The following NR5A2 variants were observed in gnomAD, a reference collection of about 807,000 sequenced individuals.
NR5A2 encodes nuclear receptor subfamily 5 group A member 2, also known as CYP7A promoter-binding factor.
A neutral mutation model predicts 62.7 loss-of-function variants in NR5A2; 26 were observed. The ratio of observed to expected loss-of-function variants is 0.41; its 90% CI spans 0.30 to 0.58. The LOEUF is 0.58. Ranked by LOEUF, NR5A2 falls within the 20% of genes least tolerant of loss-of-function variation. The probability of loss-of-function intolerance (pLI) is 0.22; values close to 1 mark genes in which losing one functional copy is unlikely to be tolerated. For synonymous variants in NR5A2, 246 were observed against 241.7 expected (o/e 1.02, Z -0.16); for missense variants, 541 against 669.1 (o/e 0.81, Z 2.11).
In NR5A2 at chr1:200,176,872, A is replaced by G. The variant is rs1173789655; in HGVS notation, c.*2662A>G. 1.3e-5 allele frequency: 2 copies of G among 152,172 alleles called. No individual in the cohort carries two copies. Among genetic ancestry groups the G allele is most frequent in the Non-Finnish European group, 2.9e-5 (2 of 68,038 alleles). 9.4% of individuals were successfully genotyped at this position (152,172 alleles called of 1,614,324 possible). A position where few individuals can be genotyped will look rare whatever the true frequency, so the allele number is the denominator to read the frequency against. On this transcript the variant is annotated 3_prime_UTR_variant, in exon 8 of 8. Coordinates refer to ENST00000367362, the MANE Select transcript of NR5A2 (RefSeq NM_205860.3). Reference sequence around the variant, plus strand: ...TGCTCCCCACTGAAAATTAAACCTAAAAAATGTCACATATTGGTATGTTGT... The same window carrying G: ...TGCTCCCCACTGAAAATTAAACCTAGAAAATGTCACATATTGGTATGTTGT...
chr1:200,097,290 C>A (rs1047331766), intron 5 of NR5A2, among the ~76,000 whole-genome samples: 3 of 152,090 alleles, frequency 2.0e-5, no homozygotes, highest in Non-Finnish European at 2.9e-5. Flanking sequence ...TCCTCCTCTC[C>A]AGAATATTAT....
intron 7 of NR5A2, among the ~76,000 whole-genome samples, chr1:200,146,842 T>C (rs1667721269): frequency 6.6e-6 from 1 of 152,160 alleles, no homozygotes; most frequent in African/African-American, 2.4e-5. Flanking sequence ...TGATTAAAAA[T>C]TTACATAATA....
intron 5 of NR5A2, among the ~76,000 whole-genome samples, chr1:200,105,649 C>T (rs948841807): frequency 6.6e-6 from 1 of 152,150 alleles, no homozygotes; most frequent in African/African-American, 2.4e-5. Flanking sequence ...TTAAAAATCT[C>T]TTTCTTAAAG....
intron 1 of NR5A2, among the ~76,000 whole-genome samples, chr1:200,038,952 C>T (rs539816387): frequency 9.1e-4 from 138 of 152,152 alleles, no homozygotes; most frequent in African/African-American, 3.2e-3. Flanking sequence ...TGTCTTCACC[C>T]CTCAATCCAG....
At chr1:200,169,944 T>A (rs550272265) in intron 7 of NR5A2, among the ~76,000 whole-genome samples, 1 of 152,330 alleles carries the variant, frequency 6.6e-6, no homozygotes. Context: ...CTGGTGGAAA[T>A]TTTTATCTCA....
At chr1:200,172,158 A>G (rs1395673765) in intron 7 of NR5A2, among the ~76,000 whole-genome samples, 1 of 152,214 alleles carries the variant, frequency 6.6e-6, no homozygotes, top group Non-Finnish European at 1.5e-5. Context: ...TTTAATCACT[A>G]TAATGCAAAA....
chr1:200,073,228 TTACA>T (rs1485781457), intron 5 of NR5A2, among the ~76,000 whole-genome samples: 2 of 97,766 alleles, frequency 2.0e-5, no homozygotes, highest in South Asian at 3.5e-4. Context: ...GTCAAAGCAT[TTACA>T]TACATATATA....
At chr1:200,114,455 T>C (rs1303989401) in intron 6 of NR5A2, among the ~76,000 whole-genome samples, 1 of 152,154 alleles carries the variant, frequency 6.6e-6, no homozygotes, top group African/African-American at 2.4e-5. Flanking sequence ...GTGTGTAAAA[T>C]TCACACATAC....
rs557268411 is a variant in NR5A2 at position 200,140,756 on chromosome 1, C to T, written c.1378+19801C>T. ...CAATCTAAAAATCAGAAAGGCAGGGCGCAGTGGCTAACGCCTATAATCCCA... is the reference window on the plus strand; with the variant it reads ...CAATCTAAAAATCAGAAAGGCAGGGTGCAGTGGCTAACGCCTATAATCCCA... On this transcript the variant is annotated intron_variant, in intron 7 of 7. Transcript: ENST00000367362. 9.3e-4 allele frequency among the ~76,000 whole-genome samples: 141 copies of T among 152,286 alleles called. 2 individuals carry two copies. Among genetic ancestry groups the T allele is most frequent in the Non-Finnish European group, 4.7e-4 (32 of 68,020 alleles).
intron 5 of NR5A2, among the ~76,000 whole-genome samples, chr1:200,088,855 C>G (rs550234294): frequency 1.4e-4 from 21 of 152,228 alleles, no homozygotes; most frequent in African/African-American, 5.1e-4. Flanking sequence ...GGAGCTTAGC[C>G]ACATCTTCTC....
chr1:200,082,707 C>T (rs17724342), intron 5 of NR5A2, among the ~76,000 whole-genome samples: 2,148 of 152,084 alleles, frequency 0.014, 22 homozygotes, highest in Non-Finnish European at 0.022. Flanking sequence ...AGATATAATT[C>T]CCATGTTTCT....
chr1:200,048,343 C>T lies in NR5A2; in HGVS notation c.635C>T (p.Ala212Val). The change falls in exon 5 of 8, where the codon GCA (alanine) becomes GTA (valine). Residue 212 changes from alanine (A) to valine (V), a missense_variant. By Grantham distance (64) the Ala-to-Val change is moderately conservative. Coordinates refer to ENST00000367362, the MANE Select transcript of NR5A2 (RefSeq NM_205860.3). The surrounding 1 kb of genome is among the most constrained non-coding windows in gnomAD (Gnocchi z 4.8). Reference protein sequence around the residue: ...AMPSDLTISSAIQNIHSASKG... With the variant: ...AMPSDLTISSVIQNIHSASKG... ...CCCTCTGACCTGACCATTTCCTCTG[C>T]AATTCAAAACATCCACTCTGCCTCC... 6.2e-7 allele frequency: 1 copy of T among 1,614,198 alleles called. No individual in the cohort carries two copies. The highest frequency in any genetic ancestry group is 8.5e-7 in the Non-Finnish European group (1 of 1,180,038).
Position 200,147,561 on chromosome 1 carries a change from G to A in NR5A2, c.1379-26402G>A. 1.4e-6 allele frequency: 1 copy of A among 698,220 alleles called. No homozygotes were observed. The highest frequency in any genetic ancestry group is 1.8e-5 in the Admixed American group (1 of 55,768). The allele number at this position is 698,220 out of a possible 1,614,324, so 43.3% of individuals were successfully genotyped here. A position where few individuals can be genotyped will look rare whatever the true frequency, so the allele number is the denominator to read the frequency against. On this transcript the variant is annotated intron_variant, in intron 7 of 7. Transcript: ENST00000367362. The surrounding 1 kb of genome is among the most constrained non-coding windows in gnomAD (Gnocchi z 4.9). ...ATTTCCTTGGTTTCTCCATTGGTGTGCTTAAAGCGATCTCCTCTACACGAA... is the reference window on the plus strand; with the variant it reads ...ATTTCCTTGGTTTCTCCATTGGTGTACTTAAAGCGATCTCCTCTACACGAA...
At chr1:200,111,476 C>T (rs1190306537) in intron 6 of NR5A2, among the ~76,000 whole-genome samples, 155 bp downstream of exon 6, 1 of 152,158 alleles carries the variant, frequency 6.6e-6, no homozygotes, top group Non-Finnish European at 1.5e-5. Context: ...CACTCTGTTC[C>T]TGCTCTGATT....
chr1:200,038,607 G>C, intron 1 of NR5A2: 1 of 788,326 alleles, frequency 1.3e-6, no homozygotes, highest in African/African-American at 1.8e-5. Context: ...AATGGTTTAA[G>C]TGGGTGTTTA....
intron 7 of NR5A2, 29 bp downstream of exon 7, chr1:200,120,984 C>A: frequency 6.2e-7 from 1 of 1,612,300 alleles, no homozygotes; most frequent in South Asian, 1.1e-5. Context: ...ATGCTGTGCT[C>A]AACCAACGAT....
intron 5 of NR5A2, among the ~76,000 whole-genome samples, chr1:200,071,773 T>A (rs1228081971): frequency 1.3e-5 from 2 of 152,246 alleles, no homozygotes; most frequent in African/African-American, 2.4e-5. Context: ...CGATATTCAG[T>A]GGGACCACAG....
intron 6 of NR5A2, among the ~76,000 whole-genome samples, chr1:200,114,425 C>A (rs749992567): frequency 7.2e-5 from 11 of 152,134 alleles, no homozygotes; most frequent in Non-Finnish European, 1.5e-4. Context: ...CTAGTGCAGA[C>A]CATGTGCTCT....
intron 1 of NR5A2, chr1:200,038,914 T>TG (rs1661912125): frequency 2.3e-6 from 1 of 429,552 alleles, no homozygotes; most frequent in Non-Finnish European, 3.8e-6. Context: ...GTGTCCGACC[T>TG]GAGTCCGGAA....
Sources: allele counts gnomAD v4.1 joint callset (sites outside exome capture counted in the v4.1 genomes callset), GRCh38; gene constraint gnomAD v4.1.1; non-coding constraint Gnocchi (gnomAD v3.1); transcripts MANE v1.5; gene names NCBI Gene and HGNC (gene_info 2026-07-23, HGNC 2026-07-21).